The following RUNDC3B variants were observed in gnomAD, a reference collection of about 807,000 sequenced individuals.
RUNDC3B encodes the protein RUN domain-containing protein 3B.
In RUNDC3B, 33 loss-of-function variants were observed where a neutral mutation model predicts 58.4. The observed-to-expected ratio is 0.56, with a 90% CI of 0.43 to 0.75. The LOEUF is 0.75. RUNDC3B is among the 30% of genes least tolerant of loss of function. The pLI is 0.00. For synonymous variants in RUNDC3B, 193 were observed against 195.2 expected (o/e 0.99, Z 0.10); for missense variants, 501 against 535.7 (o/e 0.94, Z 0.64).
At position 87,697,771 on chromosome 7, in the gene RUNDC3B, T is replaced by A. The variant is rs536849516; in HGVS notation, c.239-2650T>A. Among the ~76,000 whole-genome samples the A allele has an allele frequency of 7.4e-4, 113 of 152,174 alleles. 1 individual carries two copies. The highest frequency in any genetic ancestry group is 1.4e-3 in the Non-Finnish European group (98 of 68,036). On this transcript the variant is annotated intron_variant, in intron 2 of 10. Coordinates refer to ENST00000394654, the MANE Select transcript of RUNDC3B (RefSeq NM_001134405.2). Reference sequence around the variant, plus strand: ...CAACAGTACTATCCAGTAGGTACTATCGTTATTTTCAATTTACAGAAGAGG... The same window carrying A: ...CAACAGTACTATCCAGTAGGTACTAACGTTATTTTCAATTTACAGAAGAGG...
intron 8 of RUNDC3B, among the ~76,000 whole-genome samples, chr7:87,789,496 T>G (rs1584214535): frequency 6.6e-6 from 1 of 152,186 alleles, no homozygotes; most frequent in Admixed American, 6.5e-5. Flanking sequence ...GTGGTATGAA[T>G]CCTAACAAGA....
At chr7:87,646,741 G>T (rs936192671) in intron 1 of RUNDC3B, among the ~76,000 whole-genome samples, 1 of 142,646 alleles carries the variant, frequency 7.0e-6, no homozygotes, top group Non-Finnish European at 1.6e-5. Context: ...AGTTTGCCAG[G>T]GATTGGCAGC....
At chr7:87,700,593 TC>T (rs759645820) in intron 3 of RUNDC3B, 39 bp downstream of exon 3, 3 of 1,572,944 alleles carry the variant, frequency 1.9e-6, no homozygotes, top group Non-Finnish European at 2.6e-6. Context: ...ATTTTTTTTT[TC>T]ATTGCATGTA....
At chr7:87,659,551 C>A (rs949589444) in intron 2 of RUNDC3B, among the ~76,000 whole-genome samples, 1 of 152,024 alleles carries the variant, frequency 6.6e-6, no homozygotes, top group Non-Finnish European at 1.5e-5. Flanking sequence ...CCACATTAGA[C>A]AGTGTTATAA....
At chr7:87,825,729 G>A (rs142179660) in intron 10 of RUNDC3B, among the ~76,000 whole-genome samples, 209 of 152,336 alleles carry the variant, frequency 1.4e-3, no homozygotes, top group Non-Finnish European at 2.3e-3. Flanking sequence ...CAGGGGTGGA[G>A]CTGCCCAAGA....
At position 87,823,791 on chromosome 7, in the gene RUNDC3B, TACACACACAC is replaced by T. The variant is rs113441553; in HGVS notation, c.1226-6070_1226-6061del. On this transcript the variant is annotated intron_variant, in intron 10 of 10. Coordinates refer to ENST00000394654, the MANE Select transcript of RUNDC3B (RefSeq NM_001134405.2). ...TGAGTAGTATTCCATTTCATATATA[TACACACACAC>T]ACACACACACACACACACACACATA... Among the ~76,000 whole-genome samples the T allele has an allele frequency of 2.3e-4, 33 of 143,876 alleles. No homozygotes were observed. The East Asian group carries it at 4.5e-3, about 19-fold the overall frequency. 94.4% of individuals were successfully genotyped at this position (143,876 alleles called of 152,430 possible).
At chr7:87,694,818 C>T (rs1444714980) in intron 2 of RUNDC3B, among the ~76,000 whole-genome samples, 1 of 152,040 alleles carries the variant, frequency 6.6e-6, no homozygotes, top group Non-Finnish European at 1.5e-5. Flanking sequence ...GATAAAAAAG[C>T]CTATTAAATT....
chr7:87,645,520 T>C (rs187122522), intron 1 of RUNDC3B, among the ~76,000 whole-genome samples: 14 of 152,326 alleles, frequency 9.2e-5, no homozygotes, highest in Non-Finnish European at 1.8e-4. Flanking sequence ...AAACTTTTGA[T>C]TTTTAATTTT....
intron 6 of RUNDC3B, among the ~76,000 whole-genome samples, chr7:87,752,254 A>T (rs1345760481): frequency 1.3e-5 from 2 of 152,034 alleles, no homozygotes; most frequent in African/African-American, 4.8e-5. Flanking sequence ...AAGCTTTTTG[A>T]TGTGCTGCTG....
rs994252389 is a variant in RUNDC3B at position 87,798,687 on chromosome 7, A to AT, written c.957-8678dup. 4.6e-5 allele frequency among the ~76,000 whole-genome samples: 7 copies of AT among 151,942 alleles called. No individual in the cohort carries two copies. The East Asian group carries it at 5.8e-4, about 13-fold the overall frequency. ...AATGGGGCAAATAATGAGTCACTTG[A>AT]TTTTTTTTAAGTTCTAAATTACTCA... On this transcript the variant is annotated intron_variant, in intron 8 of 10. Transcript: ENST00000394654.
chr7:87,632,534 C>T (rs556351066), intron 1 of RUNDC3B, among the ~76,000 whole-genome samples: 1 of 152,216 alleles, frequency 6.6e-6, no homozygotes, highest in South Asian at 2.1e-4. Context: ...CTAAATCTTA[C>T]ACACTCAACT....
intron 2 of RUNDC3B, among the ~76,000 whole-genome samples, chr7:87,675,075 A>C (rs1388595212): frequency 6.6e-6 from 1 of 152,220 alleles, no homozygotes; most frequent in Non-Finnish European, 1.5e-5. Flanking sequence ...GGATCCTGGC[A>C]GTCTGTGGTG....
chr7:87,715,892 C>T (rs552389821), intron 4 of RUNDC3B, among the ~76,000 whole-genome samples: 86 of 151,710 alleles, frequency 5.7e-4, no homozygotes, highest in African/African-American at 1.6e-3. Flanking sequence ...GGAGTAAGTG[C>T]GTGATATTGG....
intron 10 of RUNDC3B, among the ~76,000 whole-genome samples, chr7:87,820,044 G>A (rs1241725832): frequency 6.6e-6 from 1 of 152,082 alleles, no homozygotes; most frequent in African/African-American, 2.4e-5. Context: ...AATCAGAGCG[G>A]AACTGAAGGA....
At chr7:87,770,462 T>C in intron 6 of RUNDC3B, 119 bp from the exon 7 acceptor site, 2 of 764,224 alleles carry the variant, frequency 2.6e-6, no homozygotes, top group Non-Finnish European at 4.3e-6. Flanking sequence ...ATCATTATAA[T>C]TTTGTATTTA....
At chr7:87,822,945 G>A (rs1165555780) in intron 10 of RUNDC3B, among the ~76,000 whole-genome samples, 1 of 151,908 alleles carries the variant, frequency 6.6e-6, no homozygotes. Context: ...GCTAAATGAC[G>A]AGTTATTTGG....
At chr7:87,799,530 T>G (rs1227977389) in intron 8 of RUNDC3B, among the ~76,000 whole-genome samples, 1 of 152,180 alleles carries the variant, frequency 6.6e-6, no homozygotes, top group Non-Finnish European at 1.5e-5. Context: ...TTTCTCAGTG[T>G]GCCGTGTCAC....
At chr7:87,682,819 G>A (rs763090935) in intron 2 of RUNDC3B, among the ~76,000 whole-genome samples, 6 of 152,182 alleles carry the variant, frequency 3.9e-5, no homozygotes, top group Admixed American at 1.3e-4. Flanking sequence ...CACCAGCTGC[G>A]TTAGCCCCTA....
intron 2 of RUNDC3B, among the ~76,000 whole-genome samples, chr7:87,669,202 GTTGAA>G (rs1563118707): frequency 6.6e-6 from 1 of 152,034 alleles, no homozygotes; most frequent in Non-Finnish European, 1.5e-5. Context: ...AGGTTTTTTT[GTTGAA>G]TTGAATCCTT....
Sources: gnomAD v4.1 joint callset for allele counts (sites outside exome capture counted in the v4.1 genomes callset) on GRCh38, gnomAD v4.1.1 for gene constraint, MANE v1.5 for transcripts, NCBI Gene and HGNC (gene_info 2026-07-23, HGNC 2026-07-21) for gene names.